The following ZNF804B variants were observed in gnomAD, a reference collection of about 807,000 sequenced individuals.
ZNF804B encodes zinc finger 804B.
Under a neutral mutation model 101.4 loss-of-function variants are expected in ZNF804B, and 80 were observed. The observed-to-expected ratio is 0.79, with a 90% CI of 0.66 to 0.95. The LOEUF is 0.95. Ranked by LOEUF, ZNF804B falls within the 40% of genes least tolerant of loss-of-function variation. The pLI, the probability that ZNF804B is intolerant of heterozygous loss-of-function variation, is 0.00. For missense variants in ZNF804B, 1,673 were observed against 1,561.9 expected (o/e 1.07, Z -1.20); for synonymous variants, 622 against 558.8 (o/e 1.11, Z -1.59).
At chr7:88,854,537 T>TTCCTTTCCTTTCCTTC (rs774304273) in intron 1 of ZNF804B, among the ~76,000 whole-genome samples, 3 of 95,184 alleles carry the variant, frequency 3.2e-5, no homozygotes, top group African/African-American at 1.4e-4. Flanking sequence ...TTTCCTTCCT[T>TTCCTTTCCTTTCCTTC]CCTTCCTTCC....
At chr7:89,324,647 A>G (rs1374534526) in intron 2 of ZNF804B, among the ~76,000 whole-genome samples, 2 of 119,686 alleles carry the variant, frequency 1.7e-5, no homozygotes, top group Non-Finnish European at 3.5e-5. Context: ...CACTGAGTAC[A>G]TTTAATGATT....
intron 2 of ZNF804B, among the ~76,000 whole-genome samples, chr7:89,255,421 A>G (rs752226127): frequency 3.3e-5 from 5 of 152,280 alleles, no homozygotes; most frequent in Non-Finnish European, 5.9e-5. Flanking sequence ...TAGACAAGTA[A>G]AAAAATGGGA....
At chr7:89,274,207 T>C in intron 2 of ZNF804B, among the ~76,000 whole-genome samples, 1 of 147,666 alleles carries the variant, frequency 6.8e-6, no homozygotes, top group African/African-American at 2.5e-5. Flanking sequence ...ATGTGCACAT[T>C]GTGCAGGTTA....
intron 1 of ZNF804B, among the ~76,000 whole-genome samples, chr7:88,820,309 C>A (rs1562803018): frequency 6.6e-6 from 1 of 152,246 alleles, no homozygotes; most frequent in East Asian, 1.9e-4. Flanking sequence ...TATAATATTT[C>A]ACTTTTGGGA....
At chr7:89,308,010 G>C (rs907953321) in intron 2 of ZNF804B, among the ~76,000 whole-genome samples, 1 of 151,990 alleles carries the variant, frequency 6.6e-6, no homozygotes, top group Non-Finnish European at 1.5e-5. Context: ...AATAAATAGA[G>C]TTGTACTTTT....
intron 1 of ZNF804B, among the ~76,000 whole-genome samples, chr7:88,764,509 C>T (rs2519942): frequency 0.38 from 57,789 of 151,874 alleles, 13,696 homozygotes; most frequent in African/African-American, 0.68. Flanking sequence ...GGAATATAAA[C>T]AAACAAGCAT....
chr7:89,271,532 T>G (rs1046766759), intron 2 of ZNF804B, among the ~76,000 whole-genome samples: 2 of 152,098 alleles, frequency 1.3e-5, no homozygotes, highest in Middle Eastern at 3.2e-3. Flanking sequence ...AATTCTTTTT[T>G]TTGTTGTTGT....
At chr7:89,018,029 C>T (rs915773667) in intron 1 of ZNF804B, among the ~76,000 whole-genome samples, 4 of 151,854 alleles carry the variant, frequency 2.6e-5, no homozygotes, top group Admixed American at 6.6e-5. Context: ...CCTAATTGTT[C>T]GAGCTAGGAT....
intron 1 of ZNF804B, among the ~76,000 whole-genome samples, chr7:88,866,752 G>A (rs1392779118): frequency 6.6e-6 from 1 of 152,124 alleles, no homozygotes; most frequent in Admixed American, 6.5e-5. Context: ...ATAGATCATT[G>A]TTCTAATCTA....
chr7:88,973,001 C>A (rs1793559455), intron 1 of ZNF804B, among the ~76,000 whole-genome samples: 1 of 151,324 alleles, frequency 6.6e-6, no homozygotes. Context: ...TCCATATTTT[C>A]CAAAGACAGT....
At chr7:89,266,676 C>T (rs1035980725) in intron 2 of ZNF804B, among the ~76,000 whole-genome samples, 6 of 152,116 alleles carry the variant, frequency 3.9e-5, no homozygotes, top group Non-Finnish European at 5.9e-5. Flanking sequence ...TCTGTGAAAT[C>T]GGACTTTGTA....
intron 1 of ZNF804B, among the ~76,000 whole-genome samples, chr7:88,936,756 T>C (rs1792977504): frequency 6.6e-6 from 1 of 152,030 alleles, no homozygotes; most frequent in African/African-American, 2.4e-5. Flanking sequence ...GGGAACTTCA[T>C]AAATAGAGTT....
At chr7:88,820,698 G>A (rs1046707765) in intron 1 of ZNF804B, among the ~76,000 whole-genome samples, 1 of 152,164 alleles carries the variant, frequency 6.6e-6, no homozygotes, top group African/African-American at 2.4e-5. Flanking sequence ...ACTGCAAGTT[G>A]CCTTTTCTTA....
At chr7:88,818,809 T>C (rs1199419799) in intron 1 of ZNF804B, among the ~76,000 whole-genome samples, 3 of 152,198 alleles carry the variant, frequency 2.0e-5, no homozygotes, top group Non-Finnish European at 4.4e-5. Flanking sequence ...GCTAATCATA[T>C]CTGTGTATCA....
intron 1 of ZNF804B, among the ~76,000 whole-genome samples, chr7:88,919,761 C>G (rs1295356370): frequency 2.6e-5 from 4 of 152,076 alleles, no homozygotes; most frequent in Non-Finnish European, 2.9e-5. Context: ...ACAGATTTCC[C>G]TACTGTAATA....
intron 2 of ZNF804B, among the ~76,000 whole-genome samples, chr7:89,304,393 T>G (rs1790529411): frequency 6.6e-6 from 1 of 152,008 alleles, no homozygotes; most frequent in Non-Finnish European, 1.5e-5. Flanking sequence ...CAATAGTCTC[T>G]CTCCTTTATT....
At chr7:89,027,786 C>A (rs1788773329) in intron 1 of ZNF804B, among the ~76,000 whole-genome samples, 1 of 152,094 alleles carries the variant, frequency 6.6e-6, no homozygotes, top group South Asian at 2.1e-4. Flanking sequence ...AGGGAAGATG[C>A]AAATTTTGGT....
intron 1 of ZNF804B, among the ~76,000 whole-genome samples, chr7:89,176,591 C>CTTTTTTT (rs35866405): frequency 1.3e-3 from 94 of 71,874 alleles, no homozygotes; most frequent in Middle Eastern, 0.012. Flanking sequence ...TTCTTTCTTT[C>CTTTTTTT]TTTTTTTTTT....
intron 1 of ZNF804B, among the ~76,000 whole-genome samples, chr7:88,805,544 T>C (rs998386234): frequency 2.6e-5 from 4 of 152,178 alleles, no homozygotes; most frequent in Admixed American, 2.6e-4. Context: ...ACACTAGCAG[T>C]TGTGGACAAT....
Sources: allele counts gnomAD v4.1 joint callset (sites outside exome capture counted in the v4.1 genomes callset), GRCh38; gene constraint gnomAD v4.1.1; transcripts MANE v1.5; gene names NCBI Gene and HGNC (gene_info 2026-07-23, HGNC 2026-07-21).